NR1H4: variants seen among roughly 807,000 people sequenced by gnomAD.
NR1H4 encodes the protein bile acid receptor.
NR1H4 carries 23 observed loss-of-function variants against 58.5 expected under a neutral mutation model. The observed-to-expected ratio is 0.39, with a 90% confidence interval of 0.28 to 0.56. The LOEUF is 0.56. NR1H4 is among the 20% of genes least tolerant of loss of function. The pLI is 0.58. For synonymous variants in NR1H4, 214 were observed against 198.0 expected (o/e 1.08, Z -0.68); for missense variants, 487 against 576.9 (o/e 0.84, Z 1.60).
At chr12:100,518,928 C>T (rs1593084901) in intron 4 of NR1H4, among the ~76,000 whole-genome samples, 2 of 151,768 alleles carry the variant, frequency 1.3e-5, no homozygotes, top group East Asian at 3.9e-4. Context: ...GCTGGGATTA[C>T]AGGCACCAGC....
chr12:100,476,098 G>A lies in NR1H4; in HGVS notation c.-190+2039G>A, dbSNP rs377435316. ...GAGACTCAAAAAATACAAGTGACCC[G>A]TCCACAGGCAGATAGTTAGGAAGTA... On this transcript the variant is annotated intron_variant, in intron 1 of 10. Transcript: ENST00000392986. Among the ~76,000 whole-genome samples the A allele has an allele frequency of 5.9e-5, 9 of 152,202 alleles. No homozygotes were observed. The East Asian group carries it at 1.5e-3, about 26-fold the overall frequency.
chr12:100,512,620 A>G (rs1442801040), intron 4 of NR1H4, among the ~76,000 whole-genome samples: 3 of 151,616 alleles, frequency 2.0e-5, no homozygotes, highest in African/African-American at 7.3e-5. Flanking sequence ...CAGCCTGGGC[A>G]ACTGAGCGAG....
chr12:100,559,389 G>A (rs1955408701), intron 9 of NR1H4, among the ~76,000 whole-genome samples: 1 of 152,216 alleles, frequency 6.6e-6, no homozygotes, highest in Non-Finnish European at 1.5e-5. Context: ...AGGGAGAGAC[G>A]CGAGCGGGAA....
chr12:100,547,428 AG>A (rs1324363206), intron 9 of NR1H4, among the ~76,000 whole-genome samples: 1 of 152,118 alleles, frequency 6.6e-6, no homozygotes, highest in Non-Finnish European at 1.5e-5. Flanking sequence ...GGGAGGGCAA[AG>A]GGGAAAAAGA....
chr12:100,561,859 A>G lies in NR1H4; in HGVS notation c.1079-26A>G, dbSNP rs773008199. ...CACTGTTTAGTCACTCAAAAATTGTATTATGATTGCAACTTTCCCCCACAG... is the reference window on the plus strand; with the variant it reads ...CACTGTTTAGTCACTCAAAAATTGTGTTATGATTGCAACTTTCCCCCACAG... On this transcript the variant is annotated intron_variant, in intron 9 of 10. Coordinates refer to ENST00000392986, the MANE Select transcript of NR1H4 (RefSeq NM_001206979.2). The G allele has an allele frequency of 9.8e-5, 91 of 933,252 alleles. No homozygotes were observed. The Middle Eastern group carries it at 1.7e-3, about 17-fold the overall frequency. The allele number at this position is 933,252 out of a possible 1,614,324, so 57.8% of individuals were successfully genotyped here. A position where few individuals can be genotyped will look rare whatever the true frequency, so the allele number is the denominator to read the frequency against.
At chr12:100,515,753 A>T (rs367959349) in intron 4 of NR1H4, among the ~76,000 whole-genome samples, 1 of 152,212 alleles carries the variant, frequency 6.6e-6, no homozygotes, top group Non-Finnish European at 1.5e-5. Flanking sequence ...TGTAATGGCA[A>T]TGTGAGTGTT....
intron 9 of NR1H4, 151 bp from the exon 10 acceptor site, chr12:100,561,734 C>G (rs1477096989): frequency 5.1e-6 from 3 of 585,078 alleles, no homozygotes; most frequent in Admixed American, 2.9e-5. Flanking sequence ...AATGTCCTTC[C>G]TTTGGACATA....
chr12:100,556,967 G>A (rs1435711712), intron 9 of NR1H4, among the ~76,000 whole-genome samples: 2 of 152,182 alleles, frequency 1.3e-5, no homozygotes, highest in African/African-American at 4.8e-5. Context: ...AAAAATGAGA[G>A]CTGTGTCCAT....
chr12:100,556,266 G>A (rs935218702), intron 9 of NR1H4, among the ~76,000 whole-genome samples: 3 of 151,880 alleles, frequency 2.0e-5, no homozygotes, highest in African/African-American at 4.8e-5. Flanking sequence ...TCGGGAGTTC[G>A]AGACCAGCCT....
intron 4 of NR1H4, among the ~76,000 whole-genome samples, chr12:100,518,543 G>T (rs1954325161): frequency 6.6e-6 from 1 of 152,176 alleles, no homozygotes; most frequent in Non-Finnish European, 1.5e-5. Context: ...GAACCAGGCA[G>T]GGCCCATGTT....
At chr12:100,562,066 A>G in intron 10 of NR1H4, 68 bp downstream of exon 10, 1 of 792,180 alleles carries the variant, frequency 1.3e-6, no homozygotes, top group Non-Finnish European at 2.2e-6. Context: ...ACGTTTATTG[A>G]AAAAAATCTG....
At position 100,563,558 on chromosome 12, in the gene NR1H4, T is replaced by G; in HGVS notation, c.*69T>G. The G allele has an allele frequency of 8.2e-7, 1 of 1,214,218 alleles. No individual in the cohort carries two copies. Among genetic ancestry groups the G allele is most frequent in the South Asian group, 1.2e-5 (1 of 82,300 alleles). 75.2% of individuals were successfully genotyped at this position (1,214,218 alleles called of 1,614,324 possible). The stretch of plus-strand genomic sequence containing the variant: ...ATTAATCTGATGTATAACTTTCCTT[T>G]ATTTCACTTGTACCCAGTTTCACTC... On this transcript the variant is annotated 3_prime_UTR_variant, in exon 11 of 11. Coordinates refer to ENST00000392986, the MANE Select transcript of NR1H4 (RefSeq NM_001206979.2).
chr12:100,560,711 G>C (rs977615586), intron 9 of NR1H4, among the ~76,000 whole-genome samples: 5 of 152,360 alleles, frequency 3.3e-5, no homozygotes, highest in African/African-American at 1.2e-4. Flanking sequence ...CCAATACGTG[G>C]ATAGGGATAG....
chr12:100,495,097 T>C (rs1298182652), intron 3 of NR1H4, among the ~76,000 whole-genome samples: 1 of 152,218 alleles, frequency 6.6e-6, no homozygotes, highest in Admixed American at 6.5e-5. Flanking sequence ...GTTAGAAGCA[T>C]CTAAAGATGA....
chr12:100,487,419 A>G (rs888296705), intron 1 of NR1H4, among the ~76,000 whole-genome samples: 11 of 152,128 alleles, frequency 7.2e-5, no homozygotes, highest in Non-Finnish European at 1.6e-4. Flanking sequence ...ACAAACTATT[A>G]ATTGAGACTG....
At chr12:100,539,182 T>C (rs750492226) in intron 8 of NR1H4, among the ~76,000 whole-genome samples, 25 of 152,140 alleles carry the variant, frequency 1.6e-4, no homozygotes, top group Non-Finnish European at 3.4e-4. Flanking sequence ...TTAGTGTGTG[T>C]TCAATGAGTA....
chr12:100,522,157 A>ATGG (rs1199585891), intron 4 of NR1H4, among the ~76,000 whole-genome samples: 6 of 151,570 alleles, frequency 4.0e-5, no homozygotes, highest in African/African-American at 1.4e-4. Flanking sequence ...GGTGATGGTG[A>ATGG]TGGTGGTGGT....
intron 9 of NR1H4, among the ~76,000 whole-genome samples, chr12:100,555,194 C>T (rs576967020): frequency 1.3e-5 from 2 of 152,288 alleles, no homozygotes; most frequent in South Asian, 4.1e-4. Flanking sequence ...ATTTTCAAAT[C>T]AGCTGTCTTG....
At chr12:100,491,549 C>G (rs911668670) in intron 1 of NR1H4, among the ~76,000 whole-genome samples, 3 of 150,644 alleles carry the variant, frequency 2.0e-5, no homozygotes, top group African/African-American at 7.3e-5. Flanking sequence ...CTGAAAATTA[C>G]ATATGTCTCT....
Sources: gnomAD v4.1 joint callset for allele counts (sites outside exome capture counted in the v4.1 genomes callset) on GRCh38, gnomAD v4.1.1 for gene constraint, MANE v1.5 for transcripts, NCBI Gene and HGNC (gene_info 2026-07-23, HGNC 2026-07-21) for gene names.